Variants in SLC9A7 observed in about 807,000 individuals in gnomAD.
SLC9A7 encodes sodium/hydrogen exchanger 7.
SLC9A7 carries 19 observed loss-of-function variants against 52.6 expected under a neutral mutation model. That is an observed-to-expected ratio of 0.36 (90% CI 0.25 to 0.53). The LOEUF (loss-of-function observed/expected upper bound fraction) is 0.53. Among genes scored for constraint, SLC9A7 ranks in the 20% least tolerant of loss-of-function variants. SLC9A7 has a pLI of 0.91. For synonymous variants in SLC9A7, 226 were observed against 252.1 expected (o/e 0.90, Z 0.98); for missense variants, 455 against 597.9 (o/e 0.76, Z 2.49).
At chrX:46,682,604 T>C (rs1408407935) in intron 1 of SLC9A7, 69 bp from the exon 2 acceptor site, 11 of 989,848 alleles carry the variant, frequency 1.1e-5, no homozygotes, top group Admixed American at 2.6e-5. Flanking sequence ...AATGGCATAG[T>C]TGACTTTCAA....
intron 1 of SLC9A7, among the ~76,000 whole-genome samples, chrX:46,704,725 C>T (rs1324697012): frequency 8.9e-6 from 1 of 111,890 alleles, no homozygotes; most frequent in Non-Finnish European, 1.9e-5. Flanking sequence ...TATTCATCCT[C>T]CTAAGAGTTG....
intron 13 of SLC9A7, among the ~76,000 whole-genome samples, chrX:46,633,273 T>A (rs763905697): frequency 1.2e-4 from 11 of 89,290 alleles, no homozygotes; most frequent in African/African-American, 4.4e-4. Flanking sequence ...GCTACTGATA[T>A]AAGTGCAGAA....
chrX:46,606,851 G>C lies in SLC9A7; in HGVS notation c.*101C>G. 8.5e-7 allele frequency: 1 copy of C among 1,172,778 alleles called. No homozygotes were observed. On this transcript the variant is annotated 3_prime_UTR_variant, in exon 17 of 17. Transcript: ENST00000616978. ...AGACCCCAATAAAATAGAAGAGTTAGTTCAATCTAGTCACTGCCCCACCTC... is the reference window on the plus strand; with the variant it reads ...AGACCCCAATAAAATAGAAGAGTTACTTCAATCTAGTCACTGCCCCACCTC...
chrX:46,754,858 C>T (rs1290250046), intron 1 of SLC9A7, among the ~76,000 whole-genome samples: 3 of 112,679 alleles, frequency 2.7e-5, no homozygotes, highest in African/African-American at 9.7e-5. Context: ...CCAACTTTCC[C>T]TGCCCTAAAC....
At chrX:46,650,845 T>C (rs762515333) in intron 10 of SLC9A7, among the ~76,000 whole-genome samples, 1 of 111,569 alleles carries the variant, frequency 9.0e-6, no homozygotes, top group Non-Finnish European at 1.9e-5. Flanking sequence ...GAAAGGATGA[T>C]CTTGGAATAC....
At chrX:46,627,616 C>T (rs1261851752) in intron 14 of SLC9A7, among the ~76,000 whole-genome samples, 2 of 111,508 alleles carry the variant, frequency 1.8e-5, no homozygotes, top group Non-Finnish European at 3.8e-5. Context: ...TTTCCCAGAA[C>T]CTGAAAGAAT....
At chrX:46,687,066 C>T (rs1224941350) in intron 1 of SLC9A7, among the ~76,000 whole-genome samples, 3 of 112,152 alleles carry the variant, frequency 2.7e-5, no homozygotes, top group Admixed American at 1.9e-4. Flanking sequence ...AAAAATCCCA[C>T]GGGTTCATTA....
chrX:46,603,928 TGTTA>T lies in SLC9A7; in HGVS notation c.*3020_*3023del, dbSNP rs1942700842. The T allele has an allele frequency of 8.9e-6, 1 of 112,291 alleles. No homozygotes were observed. The highest frequency in any genetic ancestry group is 3.2e-5 in the African/African-American group (1 of 30,866). 9.3% of individuals were successfully genotyped at this position (112,291 alleles called of 1,213,427 possible). ...CAAAGAACCATCACCAGGGTGTGTC[TGTTA>T]GTTTTTTCCCTCCAAAATTAAGTAA... On this transcript the variant is annotated 3_prime_UTR_variant, in exon 17 of 17. Transcript: ENST00000616978.
intron 12 of SLC9A7, 23 bp downstream of exon 12, chrX:46,643,213 A>G (rs760186989): frequency 8.4e-6 from 10 of 1,192,223 alleles, no homozygotes; most frequent in Non-Finnish European, 1.0e-5. Flanking sequence ...GACATACTCA[A>G]TTAGCCTTGG....
intron 1 of SLC9A7, among the ~76,000 whole-genome samples, chrX:46,698,151 T>C (rs976687539): frequency 4.5e-5 from 5 of 112,191 alleles, no homozygotes; most frequent in African/African-American, 1.6e-4. Flanking sequence ...GGTCCTGTGA[T>C]CTCGCCCTGC....
At chrX:46,693,180 G>T (rs1468800368) in intron 1 of SLC9A7, among the ~76,000 whole-genome samples, 1 of 111,926 alleles carries the variant, frequency 8.9e-6, no homozygotes, top group Non-Finnish European at 1.9e-5. Flanking sequence ...TCCCCATATT[G>T]CTCTACAGAC....
intron 6 of SLC9A7, 108 bp from the exon 7 acceptor site, chrX:46,662,265 G>C (rs1163509382): frequency 2.6e-6 from 2 of 778,569 alleles, no homozygotes; most frequent in Non-Finnish European, 1.8e-6. Context: ...TCAAGCATTG[G>C]CCAGGGTAAA....
intron 15 of SLC9A7, among the ~76,000 whole-genome samples, chrX:46,613,927 C>A: frequency 8.9e-6 from 1 of 112,011 alleles, no homozygotes; most frequent in East Asian, 2.8e-4. Flanking sequence ...TGAGACTTGG[C>A]AACATGAAAT....
chrX:46,615,421 C>T (rs188752619), intron 15 of SLC9A7, among the ~76,000 whole-genome samples: 13 of 110,831 alleles, frequency 1.2e-4, no homozygotes, highest in African/African-American at 4.3e-4. Flanking sequence ...ACCAGGCGCT[C>T]CTCCAATTTG....
intron 1 of SLC9A7, among the ~76,000 whole-genome samples, chrX:46,692,995 T>TG (rs1944401500): frequency 9.0e-6 from 1 of 110,983 alleles, no homozygotes; most frequent in Admixed American, 9.6e-5. Context: ...GCCAGTTGTA[T>TG]GAAAAAATCC....
intron 14 of SLC9A7, 124 bp downstream of exon 14, chrX:46,631,462 G>T: frequency 2.0e-6 from 1 of 504,245 alleles, no homozygotes; most frequent in Admixed American, 3.5e-5. Flanking sequence ...TGTAAAATGG[G>T]GAGAGCAGTA....
chrX:46,738,277 C>T (rs1921032987), intron 1 of SLC9A7, among the ~76,000 whole-genome samples: 1 of 111,678 alleles, frequency 9.0e-6, no homozygotes, highest in African/African-American at 3.3e-5. Context: ...GTCCATTTGG[C>T]CTTTTGAGGC....
At chrX:46,717,662 G>T (rs1944790628) in intron 1 of SLC9A7, among the ~76,000 whole-genome samples, 2 of 111,611 alleles carry the variant, frequency 1.8e-5, no homozygotes, top group Admixed American at 1.9e-4. Flanking sequence ...TTACAGGTGT[G>T]AGCCACCATG....
intron 1 of SLC9A7, among the ~76,000 whole-genome samples, chrX:46,753,749 T>A (rs1556289883): frequency 9.0e-6 from 1 of 111,179 alleles, no homozygotes; most frequent in Non-Finnish European, 1.9e-5. Context: ...TTTGGGAGGC[T>A]GAGGCGGGCG....
Sources: gnomAD v4.1 joint callset for allele counts (sites outside exome capture counted in the v4.1 genomes callset) on GRCh38, gnomAD v4.1.1 for gene constraint, MANE v1.5 for transcripts, NCBI Gene and HGNC (gene_info 2026-07-23, HGNC 2026-07-21) for gene names.